PAK4: variants seen among roughly 807,000 people sequenced by gnomAD.
PAK4 encodes serine/threonine-protein kinase PAK 4.
In PAK4, 49 loss-of-function variants were observed where a neutral mutation model predicts 53.5. The ratio of observed to expected loss-of-function variants is 0.92; its 90% CI spans 0.73 to 1.16. The LOEUF (loss-of-function observed/expected upper bound fraction) is 1.16, where lower values mean the gene tolerates loss of function less well. Ranked by LOEUF, PAK4 falls within the 50% of genes most tolerant of loss-of-function variation. The pLI, the probability that PAK4 is intolerant of heterozygous loss-of-function variation, is 0.00. For synonymous variants in PAK4, 376 were observed against 375.6 expected, an observed-to-expected ratio of 1.00 and a Z score of -0.01; for missense variants, 824 against 850.7, an observed-to-expected ratio of 0.97 and a Z score of 0.39.
At chr19:39,130,161 T>TGAGGGGGGGGG (rs2073676411) in intron 1 of PAK4, among the ~76,000 whole-genome samples, 1 of 56,136 alleles carries the variant, frequency 1.8e-5, no homozygotes, top group Admixed American at 2.0e-4. Flanking sequence ...CAGGGTGGGG[T>TGAGGGGGGGGG]GGTGGGACCC....
intron 4 of PAK4, 35 bp from the exon 6 acceptor site, chr19:39,174,896 C>T (rs980595388): frequency 1.6e-5 from 25 of 1,612,110 alleles, no homozygotes; most frequent in East Asian, 2.2e-5. Flanking sequence ...GCAGCCCTCC[C>T]GCCTCCCTCC....
chr19:39,171,944 A>G (rs901792976), intron 2 of PAK4, among the ~76,000 whole-genome samples: 6 of 152,246 alleles, frequency 3.9e-5, no homozygotes, highest in African/African-American at 1.2e-4. Flanking sequence ...AGGAAAAAAC[A>G]ATCCCTGCCC....
At chr19:39,166,724 C>T (rs2074382443) in intron 1 of PAK4, among the ~76,000 whole-genome samples, 1 of 152,210 alleles carries the variant, frequency 6.6e-6, no homozygotes, top group South Asian at 2.1e-4. Context: ...CCTGGGCAAG[C>T]CCAGCCTTTC....
intron 2 of PAK4, among the ~76,000 whole-genome samples, chr19:39,170,711 G>A (rs981999319): frequency 1.3e-5 from 2 of 152,256 alleles, no homozygotes; most frequent in Admixed American, 6.5e-5. Context: ...GAAGCCCCAA[G>A]GCCCACAAGT....
At chr19:39,144,191 T>C (rs1271707395) in intron 1 of PAK4, among the ~76,000 whole-genome samples, 1 of 115,620 alleles carries the variant, frequency 8.6e-6, no homozygotes, top group African/African-American at 3.3e-5. Flanking sequence ...GATAGATAGA[T>C]AGATATGGTT....
chr19:39,172,897 C>T (rs1368701086), intron 2 of PAK4, 21 bp from the exon 4 acceptor site: 3 of 1,509,430 alleles, frequency 2.0e-6, no homozygotes, highest in Non-Finnish European at 2.7e-6. Flanking sequence ...GGCCCCCACC[C>T]ACCATTGCCT....
chr19:39,148,557 T>G (rs183768409), intron 1 of PAK4, among the ~76,000 whole-genome samples: 144 of 137,570 alleles, frequency 1.0e-3, no homozygotes, highest in Admixed American at 5.3e-3. Flanking sequence ...TGGGTTCAAG[T>G]GATGCTTCTG....
Position 39,173,976 on chromosome 19 carries a change from G to A in PAK4, c.1064G>A (p.Arg355His), listed in dbSNP as rs759004671. The change falls in exon 4 of 9, where the codon CGC (arginine) becomes CAC (histidine). Residue 355 changes from arginine to histidine, a missense_variant. By Grantham distance (29) the Arg-to-His change is conservative. Coordinates refer to ENST00000358301, the Ensembl canonical transcript of PAK4. This position sits in a 1 kb window ranked among gnomAD's most constrained non-coding sequence, Gnocchi z 6.9. ...GTGGCCGTCAAGAAGATGGACCTGC[G>A]CAAGCAGCAGAGGCGCGAGCTGCTC... is the stretch of plus-strand genomic sequence containing the variant. 31 of 1,607,382 alleles carry A rather than the reference G, an allele frequency of 1.9e-5. No individual in the cohort carries two copies. The highest frequency in any genetic ancestry group is 1.6e-4 in the East Asian group (7 of 44,716).
At chr19:39,126,463 C>CGGGGGGGG (rs1568491815) in intron 1 of PAK4, among the ~76,000 whole-genome samples, 2 of 67,022 alleles carry the variant, frequency 3.0e-5, no homozygotes, top group African/African-American at 1.2e-4. Flanking sequence ...GGGGGGGGGC[C>CGGGGGGGG]GGGTCAGAGA....
exon 8 of PAK4, chr19:39,177,774 G>A (rs1241507210): frequency 6.2e-7 from 1 of 1,613,416 alleles, no homozygotes; most frequent in East Asian, 2.2e-5. Flanking sequence ...GATGATTCGG[G>A]ACAACCTGCC....
intron 1 of PAK4, among the ~76,000 whole-genome samples, chr19:39,153,397 T>A (rs36148214): frequency 1.6e-5 from 2 of 128,980 alleles, no homozygotes; most frequent in African/African-American, 5.2e-5. Context: ...TAGCTGGAAT[T>A]ACAGGCATGT....
intron 1 of PAK4, among the ~76,000 whole-genome samples, chr19:39,167,611 T>G (rs2074399006): frequency 6.6e-6 from 1 of 152,156 alleles, no homozygotes. Flanking sequence ...CCTGGGAGCC[T>G]TGGCCAGGCC....
intron 1 of PAK4, among the ~76,000 whole-genome samples, chr19:39,131,288 T>A (rs1353304296): frequency 1.3e-5 from 2 of 152,114 alleles, no homozygotes; most frequent in African/African-American, 4.8e-5. Flanking sequence ...AGAAGTTCCG[T>A]GGAGACCTGT....
intron 1 of PAK4, among the ~76,000 whole-genome samples, chr19:39,150,700 G>A (rs2074079788): frequency 6.6e-6 from 1 of 152,004 alleles, no homozygotes; most frequent in Non-Finnish European, 1.5e-5. Flanking sequence ...GACCAGCCTG[G>A]ACAACGTAGT....
rs1292329352 is a variant in PAK4, at chr19:39,147,097, AATG to A, written c.-23+21179_-23+21181del. Among the ~76,000 whole-genome samples, 55 of 151,534 alleles carry A rather than the reference AATG, an allele frequency of 3.6e-4. 1 individual carries two copies. The Middle Eastern group carries it at 0.014, about 37-fold the overall frequency. ...ATTGTCATTGTCAATTGTCAATGACAATGTCATTGACATTGACATTGTCAGTCA... is the reference window on the plus strand; with the variant it reads ...ATTGTCATTGTCAATTGTCAATGACATCATTGACATTGACATTGTCAGTCA... On this transcript the variant is annotated intron_variant, in intron 1 of 8. Coordinates refer to ENST00000358301, the Ensembl canonical transcript of PAK4.
intron 1 of PAK4, among the ~76,000 whole-genome samples, chr19:39,149,919 G>T (rs1206282820): frequency 6.6e-6 from 1 of 152,098 alleles, no homozygotes; most frequent in Non-Finnish European, 1.5e-5. Flanking sequence ...TAGAACAGAG[G>T]TTATCAGGGT....
intron 1 of PAK4, among the ~76,000 whole-genome samples, chr19:39,136,833 G>A (rs906260901): frequency 6.6e-5 from 10 of 152,208 alleles, no homozygotes; most frequent in African/African-American, 2.4e-4. Flanking sequence ...CGCCCTGGGT[G>A]GGGCACACCG....
In PAK4 at chr19:39,173,849, G is replaced by C; in HGVS notation, c.937G>C (p.Asp313His). Residue 313 changes from aspartate (D) to histidine (H), a missense_variant, in exon 4 of 9, where the codon GAC (aspartate) becomes CAC (histidine). Asp to His is a moderately conservative substitution (Grantham distance 81). Transcript: ENST00000358301. The surrounding 1 kb of genome is among the most constrained non-coding windows in gnomAD (Gnocchi z 6.9). The stretch of plus-strand genomic sequence containing the variant: ...CCGGGCTGCCCTGCAGCTGGTGGTG[G>C]ACCCAGGCGACCCCCGCTCCTACCT... The C allele has an allele frequency of 6.2e-7, 1 of 1,612,592 alleles. No homozygotes were observed. The highest frequency in any genetic ancestry group is 2.2e-5 in the East Asian group (1 of 44,838).
rs982320648 is a variant in PAK4, at chr19:39,175,786, C to A, written c.1359+348C>A. Among the ~76,000 whole-genome samples, 1 of 152,362 alleles carries A rather than the reference C, an allele frequency of 6.6e-6. No homozygotes were observed. The highest frequency in any genetic ancestry group is 2.1e-4 in the South Asian group (1 of 4,834). ...CCCAGGGCGGTCCATGGACCCCAGT[C>A]CTGTCTTCCATGCTTTGGACTGAGG... On this transcript the variant is annotated intron_variant, in intron 6 of 8. Transcript: ENST00000358301. The surrounding 1 kb of genome is among the most constrained non-coding windows in gnomAD (Gnocchi z 4.7).
Sources: allele counts gnomAD v4.1 joint callset (sites outside exome capture counted in the v4.1 genomes callset), GRCh38; gene constraint gnomAD v4.1.1; non-coding constraint Gnocchi (gnomAD v3.1); transcripts MANE v1.5; gene names NCBI Gene and HGNC (gene_info 2026-07-23, HGNC 2026-07-21).